Variants in SCNN1G observed in about 807,000 individuals in gnomAD.
The protein encoded by SCNN1G is sodium channel epithelial 1 subunit gamma, also known as epithelial sodium channel subunit gamma.
Under a neutral mutation model 64.6 loss-of-function variants are expected in SCNN1G, and 27 were observed. The ratio of observed to expected loss-of-function variants is 0.42; its 90% confidence interval spans 0.31 to 0.58. The LOEUF (loss-of-function observed/expected upper bound fraction) is 0.58, where lower values mean the gene tolerates loss of function less well. Ranked by LOEUF, SCNN1G falls within the 20% of genes least tolerant of loss-of-function variation. The pLI, the probability that SCNN1G is intolerant of heterozygous loss-of-function variation, is 0.18. For synonymous variants in SCNN1G, 330 were observed against 314.2 expected, an observed-to-expected ratio of 1.05 and a Z score of -0.53; for missense variants, 743 against 823.4, an observed-to-expected ratio of 0.90 and a Z score of 1.19.
intron 1 of SCNN1G, 103 bp from the exon 2 acceptor site, chr16:23,186,125 T>A: frequency 1.3e-6 from 1 of 749,880 alleles, no homozygotes; most frequent in Non-Finnish European, 2.4e-6. Flanking sequence ...GAAGGAGGTC[T>A]CTAAGGGCGC....
chr16:23,211,969 T>G, intron 7 of SCNN1G, 65 bp from the exon 8 acceptor site: 1 of 1,174,808 alleles, frequency 8.5e-7, no homozygotes, highest in Non-Finnish European at 1.3e-6. Context: ...CTGAGGGATG[T>G]GCAGGAAACT....
At position 23,189,492 on chromosome 16, in the gene SCNN1G, T is replaced by A. The variant is rs1959669574; in HGVS notation, c.439T>A (p.Ser147Thr). The A allele has an allele frequency of 1.9e-6, 3 of 1,614,192 alleles. No homozygotes were observed. The East Asian group carries it at 6.7e-5, about 36-fold the overall frequency. ...RREAESWNSVSEGKQPRFSHR... is the reference protein window; with the variant it reads ...RREAESWNSVTEGKQPRFSHR... ...AGAGGCGGAGTCCTGGAACTCCGTCTCAGAGGGAAAGCAGCCTAGATTCTC... is the reference window on the plus strand; with the variant it reads ...AGAGGCGGAGTCCTGGAACTCCGTCACAGAGGGAAAGCAGCCTAGATTCTC... The change falls in exon 3 of 13, where the codon TCA (serine) becomes ACA (threonine). Residue 147 changes from serine (S) to threonine (T), a missense_variant. Transcript: ENST00000300061.
At chr16:23,202,323 G>A (rs1270794897) in intron 6 of SCNN1G, among the ~76,000 whole-genome samples, 2 of 151,844 alleles carry the variant, frequency 1.3e-5, no homozygotes, top group Non-Finnish European at 2.9e-5. Context: ...TAGGTGAGTG[G>A]GTAGATGGGT....
chr16:23,197,492 C>A (rs1165455788), intron 6 of SCNN1G, 65 bp downstream of exon 6: 3 of 1,406,362 alleles, frequency 2.1e-6, no homozygotes, highest in Non-Finnish European at 2.0e-6. Flanking sequence ...CAAGGATAAC[C>A]AATGGGGTGC....
chr16:23,193,069 CAAAAAAAAA>C (rs56318076), intron 4 of SCNN1G, among the ~76,000 whole-genome samples: 22,176 of 68,928 alleles, frequency 0.32, 2,064 homozygotes, highest in Admixed American at 0.44. Flanking sequence ...ACTCTTGTCT[CAAAAAAAAA>C]AAAAAAAAAA....
chr16:23,195,522 G>C (rs1440868569), intron 5 of SCNN1G, among the ~76,000 whole-genome samples: 1 of 152,166 alleles, frequency 6.6e-6, no homozygotes, highest in Non-Finnish European at 1.5e-5. Flanking sequence ...ATCCACACTT[G>C]GAATCCTGGC....
chr16:23,185,970 C>T (rs1329697938), intron 1 of SCNN1G, among the ~76,000 whole-genome samples: 1 of 152,214 alleles, frequency 6.6e-6, no homozygotes, highest in African/African-American at 2.4e-5. Context: ...GGTTGCACCT[C>T]ACCCAGCCCC....
intron 6 of SCNN1G, among the ~76,000 whole-genome samples, chr16:23,202,639 G>T (rs1959911282): frequency 6.6e-6 from 1 of 152,228 alleles, no homozygotes; most frequent in Non-Finnish European, 1.5e-5. Flanking sequence ...AGAAAGAAAT[G>T]ATGTGGACCT....
chr16:23,193,751 C>T (rs76139989), intron 4 of SCNN1G, among the ~76,000 whole-genome samples: 8,936 of 152,250 alleles, frequency 0.059, 345 homozygotes, highest in Non-Finnish European at 0.074. Context: ...AAGTAAATAA[C>T]TGGAATCATG....
At chr16:23,206,519 G>A (rs559086858) in intron 6 of SCNN1G, among the ~76,000 whole-genome samples, 17 of 152,274 alleles carry the variant, frequency 1.1e-4, no homozygotes, top group African/African-American at 3.8e-4. Flanking sequence ...GGAGGCTGAG[G>A]TGGGAGGATT....
At chr16:23,201,647 T>C (rs1215131306) in intron 6 of SCNN1G, among the ~76,000 whole-genome samples, 1 of 152,212 alleles carries the variant, frequency 6.6e-6, no homozygotes, top group African/African-American at 2.4e-5. Flanking sequence ...GATTGATTAA[T>C]AGGTGTGTGA....
intron 5 of SCNN1G, chr16:23,196,446 A>G (rs1453481186): frequency 6.6e-6 from 1 of 152,268 alleles, no homozygotes; most frequent in Admixed American, 6.5e-5. Flanking sequence ...ATTCCCATAT[A>G]TCCAGTGAGA....
At chr16:23,198,581 C>A (rs972352937) in intron 6 of SCNN1G, among the ~76,000 whole-genome samples, 4 of 147,582 alleles carry the variant, frequency 2.7e-5, no homozygotes, top group Admixed American at 2.7e-4. Flanking sequence ...AAACGAAATA[C>A]AAAAAAAATC....
Position 23,215,582 on chromosome 16 carries a change from C to T in SCNN1G, c.*113C>T. On this transcript the variant is annotated 3_prime_UTR_variant, in exon 13 of 13. Transcript: ENST00000300061. ...ACCCTCTGCCCCACTCTGGGCTTTT[C>T]AGATACTCTGACCAAAAAGCCTGCT... The T allele has an allele frequency of 7.5e-7, 1 of 1,340,462 alleles. No homozygotes were observed. Among genetic ancestry groups the T allele is most frequent in the Non-Finnish European group, 1.0e-6 (1 of 953,092 alleles). The allele number at this position is 1,340,462 out of a possible 1,614,324, so 83.0% of individuals were successfully genotyped here. A position where few individuals can be genotyped will look rare whatever the true frequency, so the allele number is the denominator to read the frequency against.
chr16:23,211,607 T>C (rs1960079929), intron 7 of SCNN1G, among the ~76,000 whole-genome samples: 1 of 152,040 alleles, frequency 6.6e-6, no homozygotes, highest in Admixed American at 6.6e-5. Context: ...GTCAGGAGTT[T>C]GAGACCAGCC....
intron 6 of SCNN1G, among the ~76,000 whole-genome samples, chr16:23,206,344 C>G (rs1017470626): frequency 2.0e-5 from 3 of 152,196 alleles, no homozygotes; most frequent in African/African-American, 7.2e-5. Context: ...GGAGCTGGCT[C>G]TCTAACCCCA....
chr16:23,212,940 A>G (rs1175622653), intron 10 of SCNN1G, 46 bp downstream of exon 10: 1 of 1,587,466 alleles, frequency 6.3e-7, no homozygotes, highest in East Asian at 2.2e-5. Flanking sequence ...CCCAGCCTGG[A>G]GCCCCACTGA....
At chr16:23,204,336 G>T (rs868401588) in intron 6 of SCNN1G, among the ~76,000 whole-genome samples, 378 of 66,974 alleles carry the variant, frequency 5.6e-3, no homozygotes, top group Non-Finnish European at 7.3e-3. Flanking sequence ...TATATATATA[G>T]AGAGAGAGAG....
chr16:23,199,121 C>T (rs546947655), intron 6 of SCNN1G, among the ~76,000 whole-genome samples: 1 of 152,272 alleles, frequency 6.6e-6, no homozygotes, highest in South Asian at 2.1e-4. Flanking sequence ...TCCCGACATC[C>T]AGACTTCTCC....
Sources: gnomAD v4.1 joint callset for allele counts (sites outside exome capture counted in the v4.1 genomes callset) on GRCh38, gnomAD v4.1.1 for gene constraint, MANE v1.5 for transcripts, NCBI Gene and HGNC (gene_info 2026-07-23, HGNC 2026-07-21) for gene names.